The following FRMPD4 variants were observed in gnomAD, a reference collection of about 807,000 sequenced individuals.
The protein encoded by FRMPD4 is FERM and PDZ domain-containing protein 4.
Under a neutral mutation model 94.1 loss-of-function variants are expected in FRMPD4, and 22 were observed. The ratio of observed to expected loss-of-function variants is 0.23; its 90% CI spans 0.17 to 0.33. FRMPD4 has a LOEUF of 0.33. Among genes scored for constraint, FRMPD4 ranks in the 10% least tolerant of loss-of-function variants. FRMPD4 has a pLI of 1.00. For synonymous variants in FRMPD4, 631 were observed against 548.6 expected, an observed-to-expected ratio of 1.15 and a Z score of -2.10; for missense variants, 1,111 against 1,339.9, an observed-to-expected ratio of 0.83 and a Z score of 2.67.
chrX:12,713,276 T>C (rs771086706), intron 14 of FRMPD4, among the ~76,000 whole-genome samples: 6 of 111,598 alleles, frequency 5.4e-5, no homozygotes, highest in Non-Finnish European at 9.4e-5. Flanking sequence ...GCTACTATTC[T>C]AAACATGCTT....
chrX:11,989,369 T>C (rs770592840), intron 3 of FRMPD4, among the ~76,000 whole-genome samples: 1 of 111,292 alleles, frequency 9.0e-6, no homozygotes, highest in East Asian at 2.8e-4. Flanking sequence ...TTAAGTGAAA[T>C]AAGCCAGGCA....
chrX:12,166,920 C>T lies in FRMPD4; in HGVS notation c.41+27908C>T, dbSNP rs747169841. Among the ~76,000 whole-genome samples, 13 of 110,586 alleles carry T rather than the reference C, an allele frequency of 1.2e-4. No homozygotes were observed. In the South Asian group the frequency reaches 2.7e-3, roughly 23 times the overall value. On this transcript the variant is annotated intron_variant, in intron 1 of 16. Transcript: ENST00000675598. ...ATATCCCCTTTATCATTTTTTATTG[C>T]GTCTATTTGATTCTTCTCTCTTTTT...
chrX:12,149,154 A>T (rs766402732), intron 1 of FRMPD4: 1 of 112,014 alleles, frequency 8.9e-6, no homozygotes, highest in African/African-American at 3.2e-5. Flanking sequence ...GAGTTATCTC[A>T]ATTGATTGTT....
chrX:12,274,067 C>T (rs113843199), intron 1 of FRMPD4, among the ~76,000 whole-genome samples: 1,661 of 110,950 alleles, frequency 0.015, 29 homozygotes, highest in African/African-American at 0.051. Flanking sequence ...AGGGCACCTA[C>T]GAAGAATGTA....
intron 16 of FRMPD4, among the ~76,000 whole-genome samples, chrX:12,719,642 A>T (rs182234127): frequency 8.9e-6 from 1 of 112,041 alleles, no homozygotes; most frequent in Admixed American, 9.5e-5. Flanking sequence ...CTACTTTCTC[A>T]AAACCCACCA....
At chrX:12,523,367 G>C (rs976807739) in intron 2 of FRMPD4, among the ~76,000 whole-genome samples, 3 of 112,253 alleles carry the variant, frequency 2.7e-5, no homozygotes, top group African/African-American at 9.7e-5. Context: ...CTGTCTCCTT[G>C]ACACTCATTC....
chrX:12,067,387 GTGTTTGTT>G (rs370688291), intron 3 of FRMPD4, among the ~76,000 whole-genome samples: 286 of 110,662 alleles, frequency 2.6e-3, no homozygotes, highest in African/African-American at 8.7e-3. Flanking sequence ...CAAAAACAAA[GTGTTTGTT>G]TGTTTGTTTG....
intron 4 of FRMPD4, among the ~76,000 whole-genome samples, chrX:12,640,966 T>C (rs1209207247): frequency 9.0e-6 from 1 of 111,557 alleles, no homozygotes; most frequent in African/African-American, 3.3e-5. Flanking sequence ...GAGGATCACT[T>C]GAGCCCAGCA....
intron 3 of FRMPD4, among the ~76,000 whole-genome samples, chrX:12,011,385 C>A (rs2054579945): frequency 1.8e-5 from 2 of 112,076 alleles, no homozygotes; most frequent in South Asian, 7.4e-4. Flanking sequence ...CAGCCACTAG[C>A]CTCATGTGAC....
chrX:12,554,112 G>A, intron 2 of FRMPD4, among the ~76,000 whole-genome samples: 1 of 111,830 alleles, frequency 8.9e-6, no homozygotes, highest in East Asian at 2.8e-4. Context: ...CCATTAAAGT[G>A]AATATTTACA....
intron 4 of FRMPD4, among the ~76,000 whole-genome samples, chrX:12,660,304 A>C (rs2059701441): frequency 8.9e-6 from 1 of 112,077 alleles, no homozygotes; most frequent in Non-Finnish European, 1.9e-5. Flanking sequence ...TGCCCTCCAA[A>C]TTATTCCTTG....
chrX:12,194,870 C>T (rs1283083560), intron 1 of FRMPD4, among the ~76,000 whole-genome samples: 5 of 111,932 alleles, frequency 4.5e-5, no homozygotes, highest in Admixed American at 3.8e-4. Context: ...CCAGTGCTGG[C>T]TTTCCCCTTT....
At chrX:12,341,717 T>C in intron 1 of FRMPD4, 1 of 300,856 alleles carries the variant, frequency 3.3e-6, no homozygotes, top group Non-Finnish European at 6.5e-6. Context: ...TTTTTGCTGG[T>C]TGACTATTGT....
At chrX:12,300,637 G>A (rs1291215915) in intron 1 of FRMPD4, among the ~76,000 whole-genome samples, 1 of 112,121 alleles carries the variant, frequency 8.9e-6, no homozygotes, top group Non-Finnish European at 1.9e-5. Context: ...TTTGAGATAG[G>A]TGCAAGGTAA....
At chrX:12,043,161 A>G (rs1160034695) in intron 3 of FRMPD4, among the ~76,000 whole-genome samples, 1 of 111,353 alleles carries the variant, frequency 9.0e-6, no homozygotes, top group Admixed American at 9.5e-5. Context: ...CTAGCTTTAT[A>G]TATGTTTGTT....
intron 3 of FRMPD4, among the ~76,000 whole-genome samples, chrX:12,068,752 C>T (rs1463923086): frequency 8.9e-6 from 1 of 112,074 alleles, no homozygotes; most frequent in Non-Finnish European, 1.9e-5. Context: ...GTTAACTTGT[C>T]GATTAGTTGA....
chrX:12,476,679 G>C (rs1418489309), intron 1 of FRMPD4, among the ~76,000 whole-genome samples: 1 of 112,140 alleles, frequency 8.9e-6, no homozygotes, highest in African/African-American at 3.2e-5. Flanking sequence ...CTTCTCAAAA[G>C]AAGACATTTA....
At chrX:12,645,095 T>C (rs766500160) in intron 4 of FRMPD4, among the ~76,000 whole-genome samples, 2 of 111,310 alleles carry the variant, frequency 1.8e-5, no homozygotes, top group East Asian at 5.6e-4. Flanking sequence ...TAATGTGTGT[T>C]TTTATAATTG....
At chrX:12,080,897 T>A (rs769547978) in intron 3 of FRMPD4, among the ~76,000 whole-genome samples, 4 of 112,325 alleles carry the variant, frequency 3.6e-5, no homozygotes, top group Non-Finnish European at 7.5e-5. Context: ...ATATTGTATT[T>A]TATTACCTTC....
Sources: allele counts gnomAD v4.1 joint callset (sites outside exome capture counted in the v4.1 genomes callset), GRCh38; gene constraint gnomAD v4.1.1; transcripts MANE v1.5; gene names NCBI Gene and HGNC (gene_info 2026-07-23, HGNC 2026-07-21).